The following PDGFD variants were observed in gnomAD, a reference collection of about 807,000 sequenced individuals.
PDGFD encodes the protein platelet derived growth factor D.
A neutral mutation model predicts 44.7 loss-of-function variants in PDGFD; 30 were observed. That is an observed-to-expected ratio of 0.67 (90% CI 0.50 to 0.91). The LOEUF (loss-of-function observed/expected upper bound fraction) is 0.91. PDGFD is among the 40% of genes least tolerant of loss of function. The probability of loss-of-function intolerance (pLI) is 0.00; values close to 1 mark genes in which losing one functional copy is unlikely to be tolerated. For synonymous variants in PDGFD, 173 were observed against 168.4 expected (o/e 1.03, Z -0.21); for missense variants, 445 against 457.8 (o/e 0.97, Z 0.25).
intron 1 of PDGFD, among the ~76,000 whole-genome samples, chr11:104,086,428 A>G (rs890701760): frequency 7.9e-5 from 12 of 152,212 alleles, no homozygotes; most frequent in Non-Finnish European, 2.9e-5. Context: ...TATTAAATTG[A>G]TGGTACATCT....
At chr11:103,934,281 C>T (rs1469513568) in intron 5 of PDGFD, among the ~76,000 whole-genome samples, 2 of 152,120 alleles carry the variant, frequency 1.3e-5, no homozygotes, top group Admixed American at 6.6e-5. Context: ...AGTAGGTATG[C>T]CCACATTATT....
chr11:104,095,079 T>TACCTTATTC (rs1861264639), intron 1 of PDGFD, among the ~76,000 whole-genome samples: 1 of 152,132 alleles, frequency 6.6e-6, no homozygotes, highest in Non-Finnish European at 1.5e-5. Context: ...CCTTCTCTCT[T>TACCTTATTC]ACCTTATTCA....
intron 1 of PDGFD, among the ~76,000 whole-genome samples, chr11:104,136,981 T>C (rs899681439): frequency 1.3e-5 from 2 of 152,138 alleles, no homozygotes; most frequent in Non-Finnish European, 2.9e-5. Flanking sequence ...ATTTTGTACA[T>C]GGAAAAAATA....
chr11:104,135,380 T>C (rs1365082883), intron 1 of PDGFD, among the ~76,000 whole-genome samples: 2 of 152,150 alleles, frequency 1.3e-5, no homozygotes, highest in African/African-American at 4.8e-5. Context: ...ACAGATAGAA[T>C]TGACTGTTTG....
chr11:104,037,855 A>T (rs755538056), intron 1 of PDGFD: 1 of 1,614,138 alleles, frequency 6.2e-7, no homozygotes, highest in East Asian at 2.2e-5. Flanking sequence ...CATCGATTTG[A>T]AGAAAAATGT....
chr11:103,924,249 G>A (rs1439205583), intron 6 of PDGFD, among the ~76,000 whole-genome samples: 1 of 152,182 alleles, frequency 6.6e-6, no homozygotes, highest in East Asian at 1.9e-4. Context: ...GACCTTGAAT[G>A]TTCTTCCTCA....
chr11:104,010,862 C>T (rs1591119921), intron 1 of PDGFD, among the ~76,000 whole-genome samples: 3 of 152,120 alleles, frequency 2.0e-5, no homozygotes, highest in Admixed American at 2.0e-4. Flanking sequence ...GTATCTAAGG[C>T]TCCTGAATAG....
In PDGFD at chr11:103,909,488, C is replaced by T; in HGVS notation, c.*206G>A. The T allele has an allele frequency of 1.8e-6, 1 of 569,520 alleles. No individual in the cohort carries two copies. Among genetic ancestry groups the T allele is most frequent in the Admixed American group, 3.0e-5 (1 of 33,394 alleles). The allele number at this position is 569,520 out of a possible 1,614,324, so 35.3% of individuals were successfully genotyped here. Reference sequence around the variant, plus strand: ...CTCAAACACTATTATTAAATGCAATCCTATATTCTTAGGTATAGAAGTTGA... The same window carrying T: ...CTCAAACACTATTATTAAATGCAATTCTATATTCTTAGGTATAGAAGTTGA... On this transcript the variant is annotated 3_prime_UTR_variant, in exon 7 of 7. Transcript: ENST00000393158.
intron 1 of PDGFD, chr11:104,038,666 T>G (rs982015182): frequency 6.0e-6 from 1 of 167,098 alleles, no homozygotes; most frequent in Non-Finnish European, 1.5e-5. Context: ...GAAAGTGGAT[T>G]TATCTCCAAG....
At chr11:103,939,178 T>C (rs1367984103) in intron 5 of PDGFD, among the ~76,000 whole-genome samples, 2 of 152,206 alleles carry the variant, frequency 1.3e-5, no homozygotes, top group Non-Finnish European at 2.9e-5. Context: ...TGATTATTCC[T>C]ACCCATGAGC....
chr11:104,157,093 C>T (rs1448688261), intron 1 of PDGFD, among the ~76,000 whole-genome samples: 1 of 152,154 alleles, frequency 6.6e-6, no homozygotes, highest in South Asian at 2.1e-4. Flanking sequence ...AGACAGGTTA[C>T]CTGCATAATT....
At chr11:104,010,534 A>G (rs1311060008) in intron 1 of PDGFD, among the ~76,000 whole-genome samples, 2 of 152,074 alleles carry the variant, frequency 1.3e-5, no homozygotes, top group East Asian at 1.9e-4. Flanking sequence ...CTTTCCTTCA[A>G]AATAGCTTGT....
rs543893505 is a variant in PDGFD at position 104,150,959 on chromosome 11, C to T, written c.124+12845G>A. On this transcript the variant is annotated intron_variant, in intron 1 of 6. Transcript: ENST00000393158. The stretch of plus-strand genomic sequence containing the variant: ...TCATTATTCAGCCATAGGACAAACC[C>T]CAACACACGATTTTCTAATCTGAAG... 2.0e-5 allele frequency among the ~76,000 whole-genome samples: 3 copies of T among 152,194 alleles called. No homozygotes were observed. In the East Asian group the frequency reaches 5.8e-4, roughly 29 times the overall value.
In PDGFD at chr11:103,993,858, C is replaced by G. The variant is rs547826589; in HGVS notation, c.510+2207G>C. On this transcript the variant is annotated intron_variant, in intron 3 of 6. Transcript: ENST00000393158. ...TATTAGGAGGCAAAAGAGTCTGTAG[C>G]TATTCTCAATGGACACAGACCAACA... is the stretch of plus-strand genomic sequence containing the variant. Among the ~76,000 whole-genome samples, 13 of 152,174 alleles carry G rather than the reference C, an allele frequency of 8.5e-5. No homozygotes were observed. The East Asian group carries it at 2.5e-3, about 29-fold the overall frequency.
chr11:104,051,151 G>T (rs1177588867), intron 1 of PDGFD, among the ~76,000 whole-genome samples: 1 of 152,090 alleles, frequency 6.6e-6, no homozygotes, highest in Non-Finnish European at 1.5e-5. Context: ...AACTATCATA[G>T]CAATTAAACA....
At chr11:104,065,858 T>C (rs910883144) in intron 1 of PDGFD, among the ~76,000 whole-genome samples, 1 of 152,132 alleles carries the variant, frequency 6.6e-6, no homozygotes, top group Non-Finnish European at 1.5e-5. Context: ...TTCTAGTCCG[T>C]TCTAAGGGAT....
intron 1 of PDGFD, among the ~76,000 whole-genome samples, chr11:104,020,127 TCCTAG>T (rs907076883): frequency 3.3e-5 from 5 of 152,134 alleles, no homozygotes; most frequent in African/African-American, 1.2e-4. Context: ...AGAGGCAGTT[TCCTAG>T]GCCGATTTAT....
rs888833034 is a variant in PDGFD at position 104,133,920 on chromosome 11, T to C, written c.124+29884A>G. On this transcript the variant is annotated intron_variant, in intron 1 of 6. Coordinates refer to ENST00000393158, the MANE Select transcript of PDGFD (RefSeq NM_025208.5). ...GGACATGATATGGTAAAAAAGAAGA[T>C]ACCTAGCAGCCAACAGAAAGAACAT... Among the ~76,000 whole-genome samples, 14 of 152,136 alleles carry C rather than the reference T, an allele frequency of 9.2e-5. 1 individual carries two copies. The South Asian group carries it at 1.5e-3, about 16-fold the overall frequency.
At chr11:103,920,435 C>A (rs1722041076) in intron 6 of PDGFD, among the ~76,000 whole-genome samples, 1 of 152,230 alleles carries the variant, frequency 6.6e-6, no homozygotes, top group Non-Finnish European at 1.5e-5. Context: ...CACTACATTT[C>A]AGAGCATGGC....
Sources: allele counts gnomAD v4.1 joint callset (sites outside exome capture counted in the v4.1 genomes callset), GRCh38; gene constraint gnomAD v4.1.1; transcripts MANE v1.5; gene names NCBI Gene and HGNC (gene_info 2026-07-23, HGNC 2026-07-21).